The following MBOAT2 variants were observed in gnomAD, a reference collection of about 807,000 sequenced individuals.
The protein encoded by MBOAT2 is membrane-bound glycerophospholipid O-acyltransferase 2.
MBOAT2 carries 28 observed loss-of-function variants against 63.4 expected under a neutral mutation model. The ratio of observed to expected loss-of-function variants is 0.44; its 90% CI spans 0.33 to 0.61. The LOEUF is 0.61. Among genes scored for constraint, MBOAT2 ranks in the 20% least tolerant of loss-of-function variants. The pLI is 0.03. For missense variants in MBOAT2, 470 were observed against 605.8 expected (o/e 0.78, Z 2.35); for synonymous variants, 211 against 215.6 (o/e 0.98, Z 0.19).
In MBOAT2 at chr2:8,854,848, C is replaced by G. The variant is rs1300272882; in HGVS notation, c.*3831G>C. The G allele has an allele frequency of 1.3e-5, 2 of 152,160 alleles. No individual in the cohort carries two copies. The highest frequency in any genetic ancestry group is 4.8e-5 in the African/African-American group (2 of 41,430). The allele number at this position is 152,160 out of a possible 1,614,324, so 9.4% of individuals were successfully genotyped here. On this transcript the variant is annotated 3_prime_UTR_variant, in exon 13 of 13. Transcript: ENST00000305997. ...CGGTTTAAAATAAGGTGTAACTAAA[C>G]TAAATATGCTTTAAATATCCTTGAA...
At chr2:8,955,274 T>G (rs1669133782) in intron 2 of MBOAT2, among the ~76,000 whole-genome samples, 16 of 152,210 alleles carry the variant, frequency 1.1e-4, no homozygotes, top group Admixed American at 1.0e-3. Flanking sequence ...ACGATGTCTG[T>G]CCTTCACAGC....
rs1558607164 is a variant in MBOAT2 at position 8,912,407 on chromosome 2, GAAA to G, written c.300-3694_300-3692del. Among the ~76,000 whole-genome samples the G allele has an allele frequency of 6.8e-3, 981 of 145,126 alleles. 19 individuals are homozygous for G. The highest frequency in any genetic ancestry group is 0.014 in the Middle Eastern group (4 of 280). On this transcript the variant is annotated intron_variant, in intron 3 of 12. Transcript: ENST00000305997. ...AGAAAGAAAGAAAGAAAGAAAGAAA[GAAA>G]GAAAGACAGGCCGGCCGGCCTTGAA...
intron 1 of MBOAT2, among the ~76,000 whole-genome samples, chr2:8,976,673 C>T (rs568795033): frequency 1.8e-4 from 28 of 152,234 alleles, no homozygotes; most frequent in Non-Finnish European, 2.9e-4. Flanking sequence ...TTCCATAAAG[C>T]GCGTTCAGAG....
intron 2 of MBOAT2, among the ~76,000 whole-genome samples, chr2:8,949,389 T>TA (rs1394337892): frequency 6.6e-6 from 1 of 152,168 alleles, no homozygotes; most frequent in Non-Finnish European, 1.5e-5. Context: ...TTTGAGGACT[T>TA]AGTCATAAAT....
At chr2:8,879,602 T>G (rs1662955930) in intron 6 of MBOAT2, among the ~76,000 whole-genome samples, 1 of 152,188 alleles carries the variant, frequency 6.6e-6, no homozygotes, top group Admixed American at 6.5e-5. Context: ...GGGCCCATGA[T>G]TCTCTGTGGT....
At chr2:8,957,544 T>C (rs1669311173) in intron 2 of MBOAT2, among the ~76,000 whole-genome samples, 1 of 152,104 alleles carries the variant, frequency 6.6e-6, no homozygotes, top group South Asian at 2.1e-4. Flanking sequence ...TGTATTCCAA[T>C]CCTCATAACT....
At chr2:8,919,604 A>G (rs994503102) in intron 3 of MBOAT2, among the ~76,000 whole-genome samples, 1 of 152,166 alleles carries the variant, frequency 6.6e-6, no homozygotes, top group Non-Finnish European at 1.5e-5. Context: ...AGTTCTGTAC[A>G]TCTTCTGGAT....
intron 2 of MBOAT2, among the ~76,000 whole-genome samples, chr2:8,944,655 A>G (rs1668286911): frequency 7.0e-6 from 1 of 142,798 alleles, no homozygotes; most frequent in African/African-American, 3.0e-5. Flanking sequence ...ACTGACACAC[A>G]CACACACACA....
intron 1 of MBOAT2, among the ~76,000 whole-genome samples, chr2:9,000,677 A>C (rs183368091): frequency 6.6e-6 from 1 of 152,172 alleles, no homozygotes; most frequent in South Asian, 2.1e-4. Flanking sequence ...TCTGCTACAC[A>C]CCTAGACCAG....
rs1669823608 is a variant in MBOAT2, at chr2:8,964,120, A to G, written c.76-5478T>C. On this transcript the variant is annotated intron_variant, in intron 1 of 12. Coordinates refer to ENST00000305997, the MANE Select transcript of MBOAT2 (RefSeq NM_138799.4). ...TTCCAGTATTTCTAATACTACACGT[A>G]CAATGAAGCCTCCTGTGCAAACCCC... Among the ~76,000 whole-genome samples the G allele has an allele frequency of 2.0e-5, 3 of 152,204 alleles. No individual in the cohort carries two copies. The South Asian group carries it at 6.2e-4, about 32-fold the overall frequency.
chr2:9,003,658 C>G lies in MBOAT2; in HGVS notation c.-44G>C. 2 of 1,110,740 alleles carry G rather than the reference C, an allele frequency of 1.8e-6. No individual in the cohort carries two copies. Among genetic ancestry groups the G allele is most frequent in the Non-Finnish European group, 2.2e-6 (2 of 908,454 alleles). The allele number at this position is 1,110,740 out of a possible 1,614,324, so 68.8% of individuals were successfully genotyped here. On this transcript the variant is annotated 5_prime_UTR_variant, in exon 1 of 13. Coordinates refer to ENST00000305997, the MANE Select transcript of MBOAT2 (RefSeq NM_138799.4). This position sits in a 1 kb window ranked among gnomAD's most constrained non-coding sequence, Gnocchi z 5.4. ...CGGCCGCCCGCGCCGCTCGCCCGCTCGCGCTGTGCCGGGCGACGACGAGGA... is the reference window on the plus strand; with the variant it reads ...CGGCCGCCCGCGCCGCTCGCCCGCTGGCGCTGTGCCGGGCGACGACGAGGA...
intron 1 of MBOAT2, among the ~76,000 whole-genome samples, chr2:8,973,980 C>G (rs1048480808): frequency 6.6e-6 from 1 of 152,074 alleles, no homozygotes; most frequent in African/African-American, 2.4e-5. Context: ...TTGGAAAAGA[C>G]AGAGACTACT....
At chr2:8,966,166 A>G (rs768142462) in intron 1 of MBOAT2, among the ~76,000 whole-genome samples, 1 of 152,214 alleles carries the variant, frequency 6.6e-6, no homozygotes, top group Non-Finnish European at 1.5e-5. Flanking sequence ...ATCAAAGTGT[A>G]TATCAAAGTT....
chr2:8,930,118 G>C (rs2103199675), intron 3 of MBOAT2, among the ~76,000 whole-genome samples: 1 of 152,248 alleles, frequency 6.6e-6, no homozygotes. Context: ...TGTCTCCTTT[G>C]CCATGCCGCT....
At chr2:8,863,426 G>C (rs1310187959) in intron 10 of MBOAT2, among the ~76,000 whole-genome samples, 1 of 152,160 alleles carries the variant, frequency 6.6e-6, no homozygotes, top group South Asian at 2.1e-4. Context: ...TGTGCTCACA[G>C]GGACGATAAG....
At chr2:8,933,115 T>C (rs1236464219) in intron 3 of MBOAT2, among the ~76,000 whole-genome samples, 1 of 152,226 alleles carries the variant, frequency 6.6e-6, no homozygotes, top group Non-Finnish European at 1.5e-5. Context: ...TAATGGATGG[T>C]TGCATGGGCT....
At position 8,853,746 on chromosome 2, in the gene MBOAT2, A is replaced by G. The variant is rs1660908759; in HGVS notation, c.*4933T>C. 6.6e-6 allele frequency: 1 copy of G among 152,184 alleles called. No homozygotes were observed. The highest frequency in any genetic ancestry group is 2.1e-4 in the South Asian group (1 of 4,828). The allele number at this position is 152,184 out of a possible 1,614,324, so 9.4% of individuals were successfully genotyped here. A position where few individuals can be genotyped will look rare whatever the true frequency, so the allele number is the denominator to read the frequency against. On this transcript the variant is annotated 3_prime_UTR_variant, in exon 13 of 13. Transcript: ENST00000305997. ...TCACACTATAATTTACAGAACATAC[A>G]GTCTTAGTGTTGTATTTTTTCTTTA... is the stretch of plus-strand genomic sequence containing the variant.
At chr2:8,942,720 T>C (rs2103236084) in intron 3 of MBOAT2, among the ~76,000 whole-genome samples, 1 of 152,356 alleles carries the variant, frequency 6.6e-6, no homozygotes, top group East Asian at 1.9e-4. Flanking sequence ...GAAGTCATCC[T>C]TGACACCTTA....
At chr2:8,866,906 C>A (rs933917228) in intron 9 of MBOAT2, among the ~76,000 whole-genome samples, 5 of 152,198 alleles carry the variant, frequency 3.3e-5, no homozygotes, top group African/African-American at 1.2e-4. Context: ...CTTATGGCAT[C>A]CCGTCTCGGG....
Sources: gnomAD v4.1 joint callset for allele counts (sites outside exome capture counted in the v4.1 genomes callset) on GRCh38, gnomAD v4.1.1 for gene constraint, Gnocchi (gnomAD v3.1) non-coding constraint, MANE v1.5 for transcripts, NCBI Gene and HGNC (gene_info 2026-07-23, HGNC 2026-07-21) for gene names.